The following NTRK3 variants were observed in gnomAD, a reference collection of about 807,000 sequenced individuals.
NTRK3 encodes neurotrophic receptor tyrosine kinase 3.
NTRK3 carries 24 observed loss-of-function variants against 91.7 expected under a neutral mutation model. The ratio of observed to expected loss-of-function variants is 0.26; its 90% CI spans 0.19 to 0.37. NTRK3 has a LOEUF of 0.37. Ranked by LOEUF, NTRK3 falls within the 10% of genes least tolerant of loss-of-function variation. The pLI, the probability that NTRK3 is intolerant of heterozygous loss-of-function variation, is 1.00. For synonymous variants in NTRK3, 483 were observed against 404.0 expected (o/e 1.20, Z -2.34); for missense variants, 880 against 1,068.9 (o/e 0.82, Z 2.46).
intron 17 of NTRK3, among the ~76,000 whole-genome samples, chr15:87,890,890 T>C (rs984377802): frequency 6.6e-6 from 1 of 152,160 alleles, no homozygotes; most frequent in Non-Finnish European, 1.5e-5. Flanking sequence ...TCATCTCTAC[T>C]GGGGTGGTTA....
chr15:88,135,801 T>C, intron 9 of NTRK3, 98 bp downstream of exon 9: 1 of 1,506,078 alleles, frequency 6.6e-7, no homozygotes, highest in South Asian at 1.2e-5. Flanking sequence ...ATCAGCTCAC[T>C]GCTCTAGCTC....
chr15:87,911,156 G>A (rs547622420), intron 17 of NTRK3, among the ~76,000 whole-genome samples: 2 of 152,270 alleles, frequency 1.3e-5, no homozygotes, highest in South Asian at 4.1e-4. Context: ...AAGAGACAGG[G>A]CAAGTGACAG....
At chr15:87,936,541 CTTT>C (rs11295279) in intron 15 of NTRK3, among the ~76,000 whole-genome samples, 8 of 139,734 alleles carry the variant, frequency 5.7e-5, no homozygotes, top group Non-Finnish European at 3.1e-5. Flanking sequence ...ATCTTACTTT[CTTT>C]TTTTTTTTTT....
At chr15:87,932,342 T>C (rs1705099498) in intron 16 of NTRK3, among the ~76,000 whole-genome samples, 1 of 152,222 alleles carries the variant, frequency 6.6e-6, no homozygotes, top group Admixed American at 6.5e-5. Context: ...ACTAGCCACA[T>C]GTGACTAACA....
Position 88,163,758 on chromosome 15 carries a change from G to A in NTRK3, c.396-16355C>T, listed in dbSNP as rs74027786. On this transcript the variant is annotated intron_variant, in intron 5 of 18. Coordinates refer to ENST00000394480, the Ensembl canonical transcript of NTRK3. ...TCATTGTATTAATTACTAGTGACAG[G>A]TGACCACACATTCTGGTCTGCCCAA... Among the ~76,000 whole-genome samples, 341 of 152,236 alleles carry A rather than the reference G, an allele frequency of 2.2e-3. 2 individuals are homozygous for A. The highest frequency in any genetic ancestry group is 7.9e-3 in the African/African-American group (329 of 41,524).
intron 10 of NTRK3, among the ~76,000 whole-genome samples, chr15:88,129,543 C>G (rs926949525): frequency 6.6e-6 from 1 of 152,216 alleles, no homozygotes; most frequent in East Asian, 1.9e-4. Context: ...TAGCACACAA[C>G]AGAAGCACCC....
At chr15:88,216,672 C>T (rs938308330) in intron 3 of NTRK3, among the ~76,000 whole-genome samples, 20 of 152,190 alleles carry the variant, frequency 1.3e-4, no homozygotes, top group Non-Finnish European at 1.2e-4. Flanking sequence ...TGAGGCACAT[C>T]CCCTGTGGTG....
At chr15:87,983,099 T>C (rs1292468955) in intron 14 of NTRK3, among the ~76,000 whole-genome samples, 3 of 152,246 alleles carry the variant, frequency 2.0e-5, no homozygotes, top group Non-Finnish European at 4.4e-5. Context: ...TGCAGTTCTA[T>C]AGAATTATTT....
chr15:88,118,576 C>T (rs2052361282), intron 13 of NTRK3, among the ~76,000 whole-genome samples: 1 of 152,152 alleles, frequency 6.6e-6, no homozygotes, highest in African/African-American at 2.4e-5. Flanking sequence ...AAATAAATTA[C>T]TAAAGTTTGT....
chr15:87,955,624 A>C lies in NTRK3; in HGVS notation c.1586-14871T>G, dbSNP rs146311093. Among the ~76,000 whole-genome samples the C allele has an allele frequency of 2.8e-4, 43 of 152,320 alleles. No individual in the cohort carries two copies. The East Asian group carries it at 7.0e-3, about 25-fold the overall frequency. Reference sequence around the variant, plus strand: ...TGGGTCTTAACTGAGAAGAGGATGAAGAGAGCTGGAAATGTTCACCTACAC... The same window carrying C: ...TGGGTCTTAACTGAGAAGAGGATGACGAGAGCTGGAAATGTTCACCTACAC... On this transcript the variant is annotated intron_variant, in intron 14 of 18. Transcript: ENST00000394480.
chr15:88,218,094 C>T (rs1015539974), intron 3 of NTRK3, among the ~76,000 whole-genome samples: 1 of 152,140 alleles, frequency 6.6e-6, no homozygotes, highest in Non-Finnish European at 1.5e-5. Flanking sequence ...CCCAGAACAT[C>T]TCTGTTCCCC....
Position 88,235,179 on chromosome 15 carries a change from C to T in NTRK3, c.248+20727G>A, listed in dbSNP as rs1339061035. Among the ~76,000 whole-genome samples the T allele has an allele frequency of 6.6e-6, 1 of 152,208 alleles. No individual in the cohort carries two copies. Among genetic ancestry groups the T allele is most frequent in the Admixed American group, 6.5e-5 (1 of 15,288 alleles). ...ATGATTGTACTGATTTCTTTGCTTG[C>T]ATATCAACGGATGGCCTCTATCCAC... On this transcript the variant is annotated intron_variant, in intron 3 of 18. Coordinates refer to ENST00000394480, the Ensembl canonical transcript of NTRK3. The surrounding 1 kb of genome is among the most constrained non-coding windows in gnomAD (Gnocchi z 5.2).
At chr15:88,107,663 G>A (rs1186983208) in intron 13 of NTRK3, among the ~76,000 whole-genome samples, 1 of 152,126 alleles carries the variant, frequency 6.6e-6, no homozygotes, top group Non-Finnish European at 1.5e-5. Flanking sequence ...GTGAGAGACA[G>A]GAGCCCAAGG....
intron 3 of NTRK3, among the ~76,000 whole-genome samples, chr15:88,210,608 C>T (rs997847579): frequency 6.6e-6 from 1 of 152,172 alleles, no homozygotes; most frequent in Non-Finnish European, 1.5e-5. Context: ...GGGTCTTCCC[C>T]AAGGGCAGGA....
At chr15:88,251,932 G>A (rs1429968207) in intron 3 of NTRK3, among the ~76,000 whole-genome samples, 1 of 152,200 alleles carries the variant, frequency 6.6e-6, no homozygotes, top group African/African-American at 2.4e-5. Flanking sequence ...CCATGGAGGT[G>A]CAGAGCAGAT....
At chr15:87,913,717 G>T (rs2067253973) in intron 17 of NTRK3, among the ~76,000 whole-genome samples, 2 of 152,220 alleles carry the variant, frequency 1.3e-5, no homozygotes, top group Non-Finnish European at 2.9e-5. Context: ...ATTAGGGGCT[G>T]TAATAAAGTG....
rs551693386 is a variant in NTRK3 at position 88,171,827 on chromosome 15, G to A, written c.395+11591C>T. ...CTTTCTCCCCCTCCCTCAGTCATTC[G>A]TTCAGTCAGCCATTTGTTCTCCAAA... is the stretch of plus-strand genomic sequence containing the variant. On this transcript the variant is annotated intron_variant, in intron 5 of 18. Transcript: ENST00000394480. Among the ~76,000 whole-genome samples, 60 of 152,332 alleles carry A rather than the reference G, an allele frequency of 3.9e-4. 1 individual carries two copies. In the South Asian group the frequency reaches 0.01, roughly 26 times the overall value.
chr15:88,012,688 T>C (rs887928844), intron 14 of NTRK3, among the ~76,000 whole-genome samples: 6 of 152,246 alleles, frequency 3.9e-5, no homozygotes, highest in Non-Finnish European at 8.8e-5. Flanking sequence ...TGTTTTATAA[T>C]GCACTATTAG....
chr15:88,061,718 G>C (rs1467321794), intron 13 of NTRK3, among the ~76,000 whole-genome samples: 1 of 152,220 alleles, frequency 6.6e-6, no homozygotes, highest in African/African-American at 2.4e-5. Flanking sequence ...AGGCTGGGCT[G>C]GTTCCAGGGC....
Sources: allele counts gnomAD v4.1 joint callset (sites outside exome capture counted in the v4.1 genomes callset), GRCh38; gene constraint gnomAD v4.1.1; non-coding constraint Gnocchi (gnomAD v3.1); transcripts MANE v1.5; gene names NCBI Gene and HGNC (gene_info 2026-07-23, HGNC 2026-07-21).